SLC24A2: variants seen among roughly 807,000 people sequenced by gnomAD.
The protein encoded by SLC24A2 is sodium/potassium/calcium exchanger 2.
In SLC24A2, 36 loss-of-function variants were observed where a neutral mutation model predicts 62.0. The ratio of observed to expected loss-of-function variants is 0.58; its 90% CI spans 0.44 to 0.77. The LOEUF (loss-of-function observed/expected upper bound fraction) is 0.77. Among genes scored for constraint, SLC24A2 ranks in the 30% least tolerant of loss-of-function variants. The pLI, the probability that SLC24A2 is intolerant of heterozygous loss-of-function variation, is 0.00. For synonymous variants in SLC24A2, 358 were observed against 294.0 expected (o/e 1.22, Z -2.23); for missense variants, 846 against 817.9 (o/e 1.03, Z -0.42).
At chr9:20,285,854 T>G in the SLC24A2 span, among the ~76,000 whole-genome samples, 77,862 of 151,372 alleles carry the variant, frequency 0.51, 20,727 homozygotes, top group African/African-American at 0.67. Context: ...CAGAGGGAAG[T>G]CCATTTGAGG....
At chr9:19,879,929 A>G in the SLC24A2 span, among the ~76,000 whole-genome samples, 14 of 152,146 alleles carry the variant, frequency 9.2e-5, no homozygotes, top group African/African-American at 3.1e-4. Context: ...AGTCCCTCTT[A>G]AACCTGGTTC....
chr9:19,905,755 C>G, the SLC24A2 span, among the ~76,000 whole-genome samples: 1 of 152,132 alleles, frequency 6.6e-6, no homozygotes, highest in African/African-American at 2.4e-5. Flanking sequence ...CCTCTGTCCT[C>G]TTAGGTTTAG....
At chr9:20,044,941 T>C in the SLC24A2 span, among the ~76,000 whole-genome samples, 5 of 152,044 alleles carry the variant, frequency 3.3e-5, no homozygotes, top group Non-Finnish European at 5.9e-5. Context: ...AAGATTTATC[T>C]GGTATGTGGC....
At chr9:19,697,092 A>G (rs1170409352) in intron 2 of SLC24A2, among the ~76,000 whole-genome samples, 1 of 152,220 alleles carries the variant, frequency 6.6e-6, no homozygotes, top group Non-Finnish European at 1.5e-5. Context: ...ATGATCCACA[A>G]TAACAATTCT....
chr9:19,929,713 G>T, the SLC24A2 span: 4 of 152,526 alleles, frequency 2.6e-5, no homozygotes, highest in Non-Finnish European at 5.9e-5. Flanking sequence ...CCTCAGGCAG[G>T]TTCTTCAGGA....
the SLC24A2 span, among the ~76,000 whole-genome samples, chr9:20,025,303 C>G: frequency 6.6e-6 from 1 of 152,202 alleles, no homozygotes; most frequent in Admixed American, 6.5e-5. Context: ...AACACTTGGT[C>G]ACTCAGTAAG....
chr9:20,286,586 G>T, the SLC24A2 span, among the ~76,000 whole-genome samples: 27 of 152,328 alleles, frequency 1.8e-4, no homozygotes, highest in Middle Eastern at 6.8e-3. Context: ...GCAAGGGGGG[G>T]CTGAGATCTG....
At chr9:20,210,308 C>T in the SLC24A2 span, among the ~76,000 whole-genome samples, 5 of 152,132 alleles carry the variant, frequency 3.3e-5, no homozygotes, top group South Asian at 2.1e-4. Context: ...AAAGCAAGTG[C>T]TGGTAACTAG....
the SLC24A2 span, among the ~76,000 whole-genome samples, chr9:20,140,280 C>A: frequency 6.6e-6 from 1 of 152,290 alleles, no homozygotes; most frequent in Non-Finnish European, 1.5e-5. Context: ...GATCTGTACA[C>A]AGAGAGAGTG....
intron 8 of SLC24A2, among the ~76,000 whole-genome samples, chr9:19,539,500 T>C (rs916852196): frequency 1.2e-4 from 18 of 147,580 alleles, no homozygotes; most frequent in African/African-American, 4.5e-4. Flanking sequence ...TCAGTTTCCA[T>C]GTAGTTGAGC....
the SLC24A2 span, among the ~76,000 whole-genome samples, chr9:20,228,047 G>C: frequency 6.6e-6 from 1 of 152,020 alleles, no homozygotes; most frequent in East Asian, 1.9e-4. Flanking sequence ...ATTAAAAACA[G>C]GTTCTATTTT....
At chr9:20,044,140 T>A in the SLC24A2 span, among the ~76,000 whole-genome samples, 30 of 152,304 alleles carry the variant, frequency 2.0e-4, 1 homozygote, top group African/African-American at 6.5e-4. Flanking sequence ...AGTAAAGTAT[T>A]TTTTATTGTG....
At chr9:19,714,012 C>T (rs1167630503) in intron 2 of SLC24A2, among the ~76,000 whole-genome samples, 1 of 152,166 alleles carries the variant, frequency 6.6e-6, no homozygotes, top group African/African-American at 2.4e-5. Context: ...AAATGAAGTT[C>T]CATAATACCT....
chr9:19,556,950 A>G (rs1278763008), intron 7 of SLC24A2, among the ~76,000 whole-genome samples: 1 of 152,230 alleles, frequency 6.6e-6, no homozygotes, highest in Admixed American at 6.5e-5. Flanking sequence ...AGCTGCAATC[A>G]TAGATGTCTG....
At chr9:19,931,280 CAGAA>C in the SLC24A2 span, among the ~76,000 whole-genome samples, 2 of 152,224 alleles carry the variant, frequency 1.3e-5, no homozygotes, top group South Asian at 2.1e-4. Context: ...TGGAAGTTCA[CAGAA>C]AGAGTTATTA....
At chr9:19,565,111 A>G (rs1835593174) in intron 7 of SLC24A2, among the ~76,000 whole-genome samples, 1 of 152,150 alleles carries the variant, frequency 6.6e-6, no homozygotes, top group Admixed American at 6.5e-5. Context: ...AGTTCTGGCC[A>G]GGGCAATCAC....
At chr9:20,095,174 G>T in the SLC24A2 span, among the ~76,000 whole-genome samples, 7 of 152,080 alleles carry the variant, frequency 4.6e-5, no homozygotes, top group Non-Finnish European at 1.0e-4. Context: ...TTTCATTAAG[G>T]TATCCTATCT....
In SLC24A2 at chr9:19,580,342, T is replaced by G. The variant is rs546367924; in HGVS notation, c.1130-3320A>C. ...GAAAGGCTGCAGTTGAGGGCCCACC[T>G]TCAGAATGTGGCACACATGTGTAAT... On this transcript the variant is annotated intron_variant, in intron 5 of 10. Transcript: ENST00000341998. Among the ~76,000 whole-genome samples the G allele has an allele frequency of 1.9e-3, 292 of 152,354 alleles. 1 individual carries two copies. The highest frequency in any genetic ancestry group is 6.7e-3 in the African/African-American group (280 of 41,588).
chr9:19,631,366 G>T (rs1818174409), intron 2 of SLC24A2, among the ~76,000 whole-genome samples: 1 of 152,078 alleles, frequency 6.6e-6, no homozygotes, highest in Admixed American at 6.6e-5. Context: ...CAGGTATCTG[G>T]CATGTGTGCT....
Sources: allele counts gnomAD v4.1 joint callset (sites outside exome capture counted in the v4.1 genomes callset), GRCh38; gene constraint gnomAD v4.1.1; transcripts MANE v1.5; gene names NCBI Gene and HGNC (gene_info 2026-07-23, HGNC 2026-07-21).